The following TPD52 variants were observed in gnomAD, a reference collection of about 807,000 sequenced individuals.
TPD52 encodes tumor protein D52.
Under a neutral mutation model 31.3 loss-of-function variants are expected in TPD52, and 17 were observed. That is an observed-to-expected ratio of 0.54 (90% CI 0.37 to 0.82). TPD52 has a LOEUF of 0.82. Ranked by LOEUF, TPD52 falls within the 40% of genes least tolerant of loss-of-function variation. The pLI is 0.00. For missense variants in TPD52, 212 were observed against 240.1 expected (o/e 0.88, Z 0.77); for synonymous variants, 83 against 89.6 (o/e 0.93, Z 0.42).
chr8:80,087,942 A>T (rs1815945998), intron 1 of TPD52, among the ~76,000 whole-genome samples: 1 of 152,244 alleles, frequency 6.6e-6, no homozygotes, highest in South Asian at 2.1e-4. Context: ...TAAAATCACA[A>T]GGGTAGATGC....
intron 1 of TPD52, among the ~76,000 whole-genome samples, chr8:80,073,575 T>C (rs1438135052): frequency 3.3e-5 from 5 of 152,240 alleles, no homozygotes; most frequent in Admixed American, 6.5e-5. Context: ...TCTTTAGCCT[T>C]AGCAGGATCT....
At chr8:80,044,293 C>T in intron 5 of TPD52, 85 bp from the exon 6 acceptor site, 6 of 1,094,406 alleles carry the variant, frequency 5.5e-6, no homozygotes, top group Non-Finnish European at 7.8e-6. Context: ...AACTTAGCTC[C>T]CCAGGAGCTT....
intron 1 of TPD52, among the ~76,000 whole-genome samples, chr8:80,111,041 A>C (rs552510643): frequency 6.3e-4 from 96 of 152,228 alleles, no homozygotes; most frequent in African/African-American, 2.0e-3. Context: ...CCTTGTCTCT[A>C]AGAAAAATAA....
intron 1 of TPD52, among the ~76,000 whole-genome samples, chr8:80,066,471 T>C (rs1053463607): frequency 1.3e-5 from 2 of 152,194 alleles, no homozygotes; most frequent in African/African-American, 4.8e-5. Context: ...AATCAGCAAG[T>C]AGAAAAGCTC....
At chr8:80,161,732 A>ATATAT (rs1277398110) in intron 1 of TPD52, among the ~76,000 whole-genome samples, 68 of 72,508 alleles carry the variant, frequency 9.4e-4, no homozygotes, top group South Asian at 6.3e-3. Context: ...ATATATATAT[A>ATATAT]TTTTTTTTTT....
intron 1 of TPD52, among the ~76,000 whole-genome samples, chr8:80,069,737 A>T (rs1281010872): frequency 6.6e-6 from 1 of 152,222 alleles, no homozygotes; most frequent in Non-Finnish European, 1.5e-5. Flanking sequence ...AATAATAGTA[A>T]CATCTTACAA....
At position 80,036,218 on chromosome 8, in the gene TPD52, T is replaced by C. The variant is rs1339573408; in HGVS notation, c.*1898A>G. On this transcript the variant is annotated 3_prime_UTR_variant, in exon 8 of 8. Transcript: ENST00000518937. The stretch of plus-strand genomic sequence containing the variant: ...AGGGTATTTCACTCATCTAAAGAAA[T>C]TGCCACTTTACTCCATTTTGCCTTG... 2 of 152,554 alleles carry C rather than the reference T, an allele frequency of 1.3e-5. No homozygotes were observed. Among genetic ancestry groups the C allele is most frequent in the East Asian group, 1.9e-4 (1 of 5,194 alleles). 9.5% of individuals were successfully genotyped at this position (152,554 alleles called of 1,614,324 possible). A position where few individuals can be genotyped will look rare whatever the true frequency, so the allele number is the denominator to read the frequency against.
At chr8:80,096,319 A>C (rs558845770) in intron 1 of TPD52, among the ~76,000 whole-genome samples, 5 of 139,242 alleles carry the variant, frequency 3.6e-5, no homozygotes, top group African/African-American at 1.4e-4. Context: ...CACACACACA[A>C]ACTTCTCCTA....
chr8:80,039,975 C>T (rs1810218734), intron 7 of TPD52, among the ~76,000 whole-genome samples: 1 of 152,100 alleles, frequency 6.6e-6, no homozygotes, highest in South Asian at 2.1e-4. Context: ...GGGTCCATGT[C>T]TCTCTTGCTC....
intron 1 of TPD52, among the ~76,000 whole-genome samples, chr8:80,124,374 T>C (rs1408838837): frequency 6.6e-6 from 1 of 152,108 alleles, no homozygotes; most frequent in Non-Finnish European, 1.5e-5. Flanking sequence ...GGTTTTGCCA[T>C]GTTGCCCAAG....
Position 80,038,036 on chromosome 8 carries a change from A to T in TPD52, c.*80T>A. ...ATAAAAGCACATCTGGTAGAAATTC[A>T]TGGCAATGCATGTTGACAAGATGTG... On this transcript the variant is annotated 3_prime_UTR_variant, in exon 8 of 8. Coordinates refer to ENST00000518937, the MANE Select transcript of TPD52 (RefSeq NM_001025253.3). 6.4e-7 allele frequency: 1 copy of T among 1,556,872 alleles called. No individual in the cohort carries two copies. The highest frequency in any genetic ancestry group is 1.9e-5 in the Admixed American group (1 of 53,194).
Position 80,050,492 on chromosome 8 carries a change from C to T in TPD52, c.387-21G>A, listed in dbSNP as rs1257043417. On this transcript the variant is annotated intron_variant, in intron 4 of 7. Transcript: ENST00000518937. The stretch of plus-strand genomic sequence containing the variant: ...GCAATCTGTAAGAAGCCAGAGTAAG[C>T]ATTAAAAAAGAAAGAAGTTCTGATA... 6.3e-6 allele frequency: 10 copies of T among 1,595,476 alleles called. No individual in the cohort carries two copies. The South Asian group carries it at 1.0e-4, about 16-fold the overall frequency.
intron 5 of TPD52, among the ~76,000 whole-genome samples, chr8:80,046,377 T>A (rs1490636051): frequency 6.6e-6 from 1 of 151,754 alleles, no homozygotes; most frequent in Non-Finnish European, 1.5e-5. Context: ...TTCAATTCTA[T>A]CTGGTTGCTG....
intron 1 of TPD52, among the ~76,000 whole-genome samples, chr8:80,090,669 G>A (rs925534247): frequency 1.3e-5 from 2 of 151,446 alleles, no homozygotes; most frequent in African/African-American, 4.9e-5. Flanking sequence ...CCATCCCAAT[G>A]GGGGAAAAAA....
At chr8:80,164,014 GAGAGAGAGAC>G (rs1183686890) in intron 1 of TPD52, among the ~76,000 whole-genome samples, 2,619 of 117,038 alleles carry the variant, frequency 0.022, 93 homozygotes, top group African/African-American at 0.099. Flanking sequence ...TTCTAACTGT[GAGAGAGAGAC>G]AGAGAGAGAG....
At chr8:80,139,383 TCCATCAGC>T (rs2131132795) in intron 1 of TPD52, among the ~76,000 whole-genome samples, 1 of 151,834 alleles carries the variant, frequency 6.6e-6, no homozygotes, top group South Asian at 2.1e-4. Flanking sequence ...GAAACCCACA[TCCATCAGC>T]AGCCTAGGCT....
chr8:80,064,394 AACATATC>A (rs1470595657), intron 2 of TPD52, 77 bp downstream of exon 2: 1 of 1,118,856 alleles, frequency 8.9e-7, no homozygotes, highest in African/African-American at 1.5e-5. Flanking sequence ...ACTAACTATA[AACATATC>A]ACCATGTACT....
intron 1 of TPD52, among the ~76,000 whole-genome samples, chr8:80,132,108 C>T (rs1261446590): frequency 6.6e-6 from 1 of 151,476 alleles, no homozygotes; most frequent in Admixed American, 6.6e-5. Context: ...TGGCTCACTG[C>T]AGTCTCAATC....
intron 1 of TPD52, among the ~76,000 whole-genome samples, chr8:80,160,303 G>A (rs1279641250): frequency 6.6e-6 from 1 of 152,096 alleles, no homozygotes; most frequent in Non-Finnish European, 1.5e-5. Context: ...GTACATCTGG[G>A]GAAGTCGTGA....
Sources: gnomAD v4.1 joint callset for allele counts (sites outside exome capture counted in the v4.1 genomes callset) on GRCh38, gnomAD v4.1.1 for gene constraint, MANE v1.5 for transcripts, NCBI Gene and HGNC (gene_info 2026-07-23, HGNC 2026-07-21) for gene names.